The following EVC2 variants were observed in gnomAD, a reference collection of about 807,000 sequenced individuals.
EVC2 encodes the protein limbin.
EVC2 carries 148 observed loss-of-function variants against 149.3 expected under a neutral mutation model. The observed-to-expected ratio is 0.99, with a 90% CI of 0.87 to 1.14. EVC2 has a LOEUF of 1.14. Ranked by LOEUF, EVC2 falls within the 50% of genes most tolerant of loss-of-function variation. The pLI is 0.00. For missense variants in EVC2, 1,854 were observed against 1,627.3 expected (o/e 1.14, Z -2.40); for synonymous variants, 776 against 649.9 (o/e 1.19, Z -2.95).
chr4:5,650,626 TATATATATATATAGAGAGAG>T (rs1490612749), intron 9 of EVC2, among the ~76,000 whole-genome samples: 24 of 83,252 alleles, frequency 2.9e-4, no homozygotes, highest in Admixed American at 4.2e-4. Context: ...TATATATATA[TATATATATATATAGAGAGAG>T]AGAGAGAGAG....
At chr4:5,577,659 T>C (rs1723011799) in intron 17 of EVC2, among the ~76,000 whole-genome samples, 1 of 151,900 alleles carries the variant, frequency 6.6e-6, no homozygotes, top group African/African-American at 2.4e-5. Flanking sequence ...CAGAAGAAAA[T>C]CCGCCAGAGA....
chr4:5,702,758 G>A (rs1721902917), intron 1 of EVC2, among the ~76,000 whole-genome samples: 1 of 152,170 alleles, frequency 6.6e-6, no homozygotes, highest in Non-Finnish European at 1.5e-5. Context: ...GGTTCATGAA[G>A]CACTTTCTTG....
Position 5,584,768 on chromosome 4 carries a change from T to A in EVC2, c.2912A>T (p.Gln971Leu). The A allele has an allele frequency of 6.2e-7, 1 of 1,614,180 alleles. No homozygotes were observed. The highest frequency in any genetic ancestry group is 1.7e-5 in the Admixed American group (1 of 60,024). Residue 971 changes from glutamine (Q) to leucine (L), a missense_variant, in exon 17 of 22, where the codon CAG (glutamine) becomes CTG (leucine). Coordinates refer to ENST00000344408, the MANE Select transcript of EVC2 (RefSeq NM_147127.5). ...GGFAQSLVAL[Q>L]FQKASRVTET... ...GGTCACCCGGGACGCCTTCTGGAAC[T>A]GCAGAGCAACAAGCGACTGTGCAAA...
intron 5 of EVC2, among the ~76,000 whole-genome samples, chr4:5,687,544 T>A (rs1172644226): frequency 6.6e-6 from 1 of 152,028 alleles, no homozygotes; most frequent in East Asian, 1.9e-4. Context: ...AAGGGGCAGG[T>A]AGTCTCTGTG....
chr4:5,543,057 C>G lies in EVC2; in HGVS notation c.*74G>C, dbSNP rs1399751179. ...TTTTTCTGACTTACTATTACGCAAA[C>G]AGAGGCTCCAACGATTGCACTGCTC... On this transcript the variant is annotated 3_prime_UTR_variant and NMD_transcript_variant, in exon 22 of 23. Coordinates refer to the EVC2 transcript ENST00000475313. The G allele has an allele frequency of 6.8e-6, 7 of 1,036,630 alleles. No individual in the cohort carries two copies. In the African/African-American group the frequency reaches 8.2e-5, roughly 12 times the overall value. 64.2% of individuals were successfully genotyped at this position (1,036,630 alleles called of 1,614,324 possible). A position where few individuals can be genotyped will look rare whatever the true frequency, so the allele number is the denominator to read the frequency against.
chr4:5,563,929 G>T (rs952835087), intron 21 of EVC2, among the ~76,000 whole-genome samples: 2 of 152,012 alleles, frequency 1.3e-5, no homozygotes, highest in Non-Finnish European at 2.9e-5. Flanking sequence ...AAAGCTGCTG[G>T]AATCCTGGCC....
At chr4:5,698,197 G>A (rs1443512251) in intron 1 of EVC2, among the ~76,000 whole-genome samples, 4 of 152,144 alleles carry the variant, frequency 2.6e-5, no homozygotes, top group Admixed American at 6.6e-5. Flanking sequence ...GTCAAGGGAG[G>A]CCGCACCATG....
At chr4:5,705,213 T>C (rs1722060139) in intron 1 of EVC2, among the ~76,000 whole-genome samples, 2 of 152,242 alleles carry the variant, frequency 1.3e-5, no homozygotes, top group African/African-American at 2.4e-5. Context: ...GAAATGATAC[T>C]ATTAGCATAA....
In EVC2 at chr4:5,625,722, G is replaced by T. The variant is rs375176232; in HGVS notation, c.2046+27C>A. 7 of 1,613,810 alleles carry T rather than the reference G, an allele frequency of 4.3e-6. No homozygotes were observed. In the African/African-American group the frequency reaches 8.0e-5, roughly 18 times the overall value. ...GGGTATCAGAAAGTGCCTATGCAAA[G>T]AATAAATAGCATCATGCCTTATATA... On this transcript the variant is annotated intron_variant, in intron 13 of 21. Transcript: ENST00000344408. This position sits in a 1 kb window ranked among gnomAD's most constrained non-coding sequence, Gnocchi z 4.0.
At chr4:5,541,922 C>T (rs893766642), downstream of EVC2, among the ~76,000 whole-genome samples, 4 of 152,130 alleles carry the variant, frequency 2.6e-5, no homozygotes, top group African/African-American at 9.7e-5. Flanking sequence ...CCCCCCTCCC[C>T]AAATTCAATT....
In EVC2 at chr4:5,704,434, C is replaced by T. The variant is rs186939649; in HGVS notation, c.228+3852G>A. On this transcript the variant is annotated intron_variant, in intron 1 of 21. Coordinates refer to ENST00000344408, the MANE Select transcript of EVC2 (RefSeq NM_147127.5). ...GGCAAGGGGCAGGATTTCGGTTCTGCCTTGGTGCATGAGTTGTGGAGTGCC... is the reference window on the plus strand; with the variant it reads ...GGCAAGGGGCAGGATTTCGGTTCTGTCTTGGTGCATGAGTTGTGGAGTGCC... 4.6e-5 allele frequency among the ~76,000 whole-genome samples: 7 copies of T among 152,164 alleles called. No homozygotes were observed. The South Asian group carries it at 1.2e-3, about 27-fold the overall frequency.
intron 21 of EVC2, among the ~76,000 whole-genome samples, chr4:5,544,205 T>C (rs1452816697): frequency 6.6e-6 from 1 of 152,074 alleles, no homozygotes; most frequent in African/African-American, 2.4e-5. Flanking sequence ...CTAAGGCTTT[T>C]TGCAAAATGA....
intron 9 of EVC2, among the ~76,000 whole-genome samples, chr4:5,641,666 TTA>T (rs1392053940): frequency 6.6e-6 from 1 of 152,204 alleles, no homozygotes; most frequent in Non-Finnish European, 1.5e-5. Context: ...AAAAATTAAT[TTA>T]TGTTATGGTA....
intron 18 of EVC2, 139 bp from the exon 19 acceptor site, chr4:5,574,911 A>G (rs1301879170): frequency 1.1e-6 from 1 of 905,636 alleles, no homozygotes; most frequent in East Asian, 2.7e-5. Flanking sequence ...AGAGATGGCC[A>G]GAAAGACTGC....
At chr4:5,555,800 A>G (rs991603548) in intron 21 of EVC2, among the ~76,000 whole-genome samples, 2 of 152,204 alleles carry the variant, frequency 1.3e-5, no homozygotes, top group Non-Finnish European at 2.9e-5. Flanking sequence ...TTGATCTAAC[A>G]GTTACAGAAT....
chr4:5,642,587 A>G (rs1269031975), intron 9 of EVC2, among the ~76,000 whole-genome samples: 1 of 152,220 alleles, frequency 6.6e-6, no homozygotes, highest in African/African-American at 2.4e-5. Flanking sequence ...CTAGATACTC[A>G]CAATAATTTC....
intron 7 of EVC2, among the ~76,000 whole-genome samples, chr4:5,681,007 A>G (rs1237549852): frequency 1.3e-5 from 2 of 152,218 alleles, no homozygotes; most frequent in East Asian, 3.9e-4. Flanking sequence ...AGTAGCACAG[A>G]CGGGCTGTGG....
rs189021200 is a variant in EVC2, at chr4:5,645,069, G to C, written c.1146-4231C>G. On this transcript the variant is annotated intron_variant, in intron 9 of 21. Coordinates refer to ENST00000344408, the MANE Select transcript of EVC2 (RefSeq NM_147127.5). ...TAGTGGAATGGCTGGATCACATGTT[G>C]GTTCTATTTTTAGTTTTTGAGGATT... 2.3e-3 allele frequency among the ~76,000 whole-genome samples: 345 copies of C among 152,128 alleles called. 2 individuals carry two copies. Among genetic ancestry groups the C allele is most frequent in the Middle Eastern group, 6.8e-3 (2 of 294 alleles).
intron 9 of EVC2, among the ~76,000 whole-genome samples, chr4:5,643,967 G>T (rs188764020): frequency 3.3e-5 from 5 of 152,326 alleles, no homozygotes; most frequent in Admixed American, 3.3e-4. Context: ...ACTACCTCAA[G>T]TGTCTCAAAA....
Sources: gnomAD v4.1 joint callset for allele counts (sites outside exome capture counted in the v4.1 genomes callset) on GRCh38, gnomAD v4.1.1 for gene constraint, Gnocchi (gnomAD v3.1) non-coding constraint, MANE v1.5 for transcripts, NCBI Gene and HGNC (gene_info 2026-07-23, HGNC 2026-07-21) for gene names.